The following GNAL variants were observed in gnomAD, a reference collection of about 807,000 sequenced individuals.
GNAL encodes guanine nucleotide-binding protein G(olf) subunit alpha.
GNAL carries 18 observed loss-of-function variants against 55.1 expected under a neutral mutation model. The observed-to-expected ratio is 0.33, with a 90% CI of 0.23 to 0.48. GNAL has a LOEUF of 0.48. GNAL is among the 20% of genes least tolerant of loss of function. GNAL has a pLI of 0.99. For missense variants in GNAL, 412 were observed against 614.1 expected (o/e 0.67, Z 3.48); for synonymous variants, 253 against 237.0 (o/e 1.07, Z -0.62).
At chr18:11,849,259 T>G (rs1159973857) in intron 5 of GNAL, among the ~76,000 whole-genome samples, 5 of 152,352 alleles carry the variant, frequency 3.3e-5, no homozygotes, top group Non-Finnish European at 7.4e-5. Flanking sequence ...CCCAGCACTT[T>G]GGAATGCCAA....
intron 1 of GNAL, among the ~76,000 whole-genome samples, chr18:11,731,847 G>A (rs1371013328): frequency 3.3e-5 from 5 of 152,086 alleles, no homozygotes; most frequent in South Asian, 4.1e-4. Context: ...GTCACTCCCC[G>A]TTTCCCCTCC....
chr18:11,859,928 C>T (rs996152656), intron 5 of GNAL, among the ~76,000 whole-genome samples: 8 of 151,656 alleles, frequency 5.3e-5, no homozygotes, highest in African/African-American at 1.7e-4. Context: ...TTGTAGTTTT[C>T]GTAGAGACAG....
chr18:11,885,598 C>T lies in GNAL; in HGVS notation c.*4463C>T. ...GGCTTTTGTAAATTTTGACCGATTG[C>T]AGCAATTAAATAGTTGATTACTGTG... On this transcript the variant is annotated 3_prime_UTR_variant, in exon 12 of 12. Transcript: ENST00000334049. 6.6e-7 allele frequency: 1 copy of T among 1,513,722 alleles called. No homozygotes were observed. The highest frequency in any genetic ancestry group is 1.9e-5 in the Admixed American group (1 of 53,392). 93.8% of individuals were successfully genotyped at this position (1,513,722 alleles called of 1,614,324 possible).
intron 11 of GNAL, among the ~76,000 whole-genome samples, chr18:11,877,105 C>T (rs1378316210): frequency 6.6e-6 from 1 of 152,096 alleles, no homozygotes; most frequent in Non-Finnish European, 1.5e-5. Context: ...TTTTCTTCAG[C>T]TTTTTGAGAT....
chr18:11,708,245 C>CTTCCT lies in GNAL; in HGVS notation c.376+18309_376+18310insCTTTC, dbSNP rs373225638. Reference sequence around the variant, plus strand: ...AGCTTTGGATTTAAAGTGAGACAGTCTTCATTTGAACACTTAGAGGCTATT... The same window carrying CTTCCT: ...AGCTTTGGATTTAAAGTGAGACAGTCTTCCTTTCATTTGAACACTTAGAGGCTATT... On this transcript the variant is annotated intron_variant, in intron 1 of 11. Coordinates refer to ENST00000334049, the MANE Select transcript of GNAL (RefSeq NM_182978.4). Among the ~76,000 whole-genome samples the CTTCCT allele has an allele frequency of 6.1e-3, 935 of 152,208 alleles. 4 individuals carry two copies. The highest frequency in any genetic ancestry group is 0.021 in the African/African-American group (875 of 41,530).
chr18:11,786,985 AT>A (rs2034080750), intron 4 of GNAL, among the ~76,000 whole-genome samples: 1 of 152,024 alleles, frequency 6.6e-6, no homozygotes, highest in South Asian at 2.1e-4. Context: ...TGGGCCTGTA[AT>A]CCCAGCAGTT....
rs116832821 is a variant in GNAL at position 11,860,117 on chromosome 18, G to C, written c.723-2278G>C. On this transcript the variant is annotated intron_variant, in intron 5 of 11. Coordinates refer to ENST00000334049, the MANE Select transcript of GNAL (RefSeq NM_182978.4). ...CCACTCCCATAGCCTGTTTCCCTTG[G>C]CTTCCAGGGAAATGACTCATTCATG... Among the ~76,000 whole-genome samples the C allele has an allele frequency of 7.4e-3, 1,126 of 152,280 alleles. 15 individuals are homozygous for C. The highest frequency in any genetic ancestry group is 0.025 in the African/African-American group (1,054 of 41,544).
chr18:11,715,928 A>C (rs2031952362), intron 1 of GNAL, among the ~76,000 whole-genome samples: 1 of 152,174 alleles, frequency 6.6e-6, no homozygotes, highest in South Asian at 2.1e-4. Flanking sequence ...GAGAAGTGCA[A>C]ATCAAAACTA....
At chr18:11,690,447 T>C (rs1380145042) in intron 1 of GNAL, among the ~76,000 whole-genome samples, 1 of 151,604 alleles carries the variant, frequency 6.6e-6, no homozygotes, top group East Asian at 1.9e-4. Flanking sequence ...AGAAAGAACT[T>C]GAGCTGCACT....
intron 7 of GNAL, among the ~76,000 whole-genome samples, chr18:11,866,183 A>G (rs968896350): frequency 6.7e-6 from 1 of 150,260 alleles, no homozygotes; most frequent in East Asian, 1.9e-4. Context: ...ATTACTAACA[A>G]TGAAGCTGTA....
Position 11,872,374 on chromosome 18 carries a change from G to A in GNAL, c.1138G>A (p.Ala380Thr), listed in dbSNP as rs1392275756. 1.3e-6 allele frequency: 2 copies of A among 1,557,788 alleles called. No homozygotes were observed. Among genetic ancestry groups the A allele is most frequent in the Non-Finnish European group, 1.7e-6 (2 of 1,153,996 alleles). ...AATTGAAGACTATTTCCCAGAATAT[G>A]CAAATTATACTGTTCCTGAAGACGG... Reference protein sequence around the residue: ...SKIEDYFPEYANYTVPEDATP... With the variant: ...SKIEDYFPEYTNYTVPEDATP... The change falls in exon 10 of 12, where the codon GCA (alanine) becomes ACA (threonine). Residue 380 changes from alanine to threonine, a missense_variant. Transcript: ENST00000334049.
chr18:11,865,752 C>A (rs1248272374), intron 7 of GNAL, among the ~76,000 whole-genome samples: 42 of 126,220 alleles, frequency 3.3e-4, no homozygotes, highest in Non-Finnish European at 5.1e-4. Context: ...AAGACCCTGT[C>A]TCTAAAAAAA....
chr18:11,789,658 A>G (rs1433666804), intron 4 of GNAL, among the ~76,000 whole-genome samples: 1 of 152,222 alleles, frequency 6.6e-6, no homozygotes, highest in Non-Finnish European at 1.5e-5. Context: ...ATAAAGTACC[A>G]TGTCTTCTTT....
At chr18:11,851,784 G>A (rs1487140285) in intron 5 of GNAL, 1 of 1,614,008 alleles carries the variant, frequency 6.2e-7, no homozygotes, top group East Asian at 2.2e-5. Context: ...TGACCAAGTC[G>A]ATGGCTGGTG....
chr18:11,880,896 C>T (rs1265557101), intron 11 of GNAL, 93 bp from the exon 12 acceptor site: 8 of 1,352,018 alleles, frequency 5.9e-6, no homozygotes, highest in Non-Finnish European at 8.2e-6. Flanking sequence ...CCACTGTCAC[C>T]AAAGCCTCCA....
chr18:11,851,080 A>G (rs941397772), intron 5 of GNAL, among the ~76,000 whole-genome samples: 1 of 152,222 alleles, frequency 6.6e-6, no homozygotes, highest in Non-Finnish European at 1.5e-5. Context: ...AAAGCCTGCC[A>G]AGTTTGGAGC....
intron 5 of GNAL, among the ~76,000 whole-genome samples, chr18:11,832,635 A>G (rs748028421): frequency 1.4e-4 from 22 of 152,198 alleles, no homozygotes; most frequent in Non-Finnish European, 2.6e-4. Context: ...AGGTGGGCTA[A>G]TCACCTGAGG....
At chr18:11,763,039 T>A (rs929525457) in intron 4 of GNAL, among the ~76,000 whole-genome samples, 1 of 152,244 alleles carries the variant, frequency 6.6e-6, no homozygotes, top group Non-Finnish European at 1.5e-5. Flanking sequence ...GTATTAGAGC[T>A]TCAATAAAGA....
chr18:11,863,149 G>A (rs528451174), intron 6 of GNAL, among the ~76,000 whole-genome samples: 1 of 152,268 alleles, frequency 6.6e-6, no homozygotes, highest in African/African-American at 2.4e-5. Context: ...AAAATGCTGG[G>A]ATTACAGGCG....
Sources: gnomAD v4.1 joint callset for allele counts (sites outside exome capture counted in the v4.1 genomes callset) on GRCh38, gnomAD v4.1.1 for gene constraint, MANE v1.5 for transcripts, NCBI Gene and HGNC (gene_info 2026-07-23, HGNC 2026-07-21) for gene names.